MAD1L1: variants seen among roughly 807,000 people sequenced by gnomAD.
MAD1L1 encodes the protein mitotic spindle assembly checkpoint protein MAD1.
A neutral mutation model predicts 96.9 loss-of-function variants in MAD1L1; 95 were observed. The observed-to-expected ratio is 0.98, with a 90% CI of 0.83 to 1.16. MAD1L1 has a LOEUF of 1.16. Ranked by LOEUF, MAD1L1 falls within the 50% of genes most tolerant of loss-of-function variation. The pLI, the probability that MAD1L1 is intolerant of heterozygous loss-of-function variation, is 0.00. For missense variants in MAD1L1, 1,007 were observed against 954.4 expected, an observed-to-expected ratio of 1.06 and a Z score of -0.73; for synonymous variants, 473 against 396.6, an observed-to-expected ratio of 1.19 and a Z score of -2.29.
intron 10 of MAD1L1, among the ~76,000 whole-genome samples, chr7:2,168,234 G>A (rs564021991): frequency 4.6e-5 from 7 of 151,912 alleles, no homozygotes; most frequent in African/African-American, 1.2e-4. Flanking sequence ...GCAGTGAGCC[G>A]AGATCGTGCC....
At position 2,119,796 on chromosome 7, in the gene MAD1L1, G is replaced by A. The variant is rs879588107; in HGVS notation, c.1073+29356C>T. ...GCTCACACAGATGGCAGCCACACAC[G>A]TCCCACGACAACTGTTCCAGACCCC... is the stretch of plus-strand genomic sequence containing the variant. On this transcript the variant is annotated intron_variant, in intron 11 of 18. Transcript: ENST00000265854. The surrounding 1 kb of genome is among the most constrained non-coding windows in gnomAD (Gnocchi z 4.6). Among the ~76,000 whole-genome samples, 4 of 152,152 alleles carry A rather than the reference G, an allele frequency of 2.6e-5. No homozygotes were observed. In the East Asian group the frequency reaches 7.7e-4, roughly 29 times the overall value.
intron 18 of MAD1L1, among the ~76,000 whole-genome samples, chr7:1,821,394 T>G (rs1256544449): frequency 6.6e-6 from 1 of 152,118 alleles, no homozygotes; most frequent in Admixed American, 6.5e-5. Context: ...AATACCAATT[T>G]TACACAATCC....
chr7:1,824,865 G>C (rs1160677764), intron 18 of MAD1L1, among the ~76,000 whole-genome samples: 4 of 152,008 alleles, frequency 2.6e-5, no homozygotes, highest in Non-Finnish European at 5.9e-5. Context: ...TGCACACATG[G>C]GGCGAGCCGG....
intron 12 of MAD1L1, among the ~76,000 whole-genome samples, chr7:2,027,689 C>A (rs564976157): frequency 6.6e-6 from 1 of 152,246 alleles, no homozygotes; most frequent in Non-Finnish European, 1.5e-5. Flanking sequence ...AAAGCAAAAC[C>A]CTCTTGGCAA....
intron 18 of MAD1L1, among the ~76,000 whole-genome samples, chr7:1,827,993 G>A (rs922761880): frequency 1.3e-5 from 2 of 152,122 alleles, no homozygotes; most frequent in Non-Finnish European, 2.9e-5. Context: ...GATGCGGGGT[G>A]AGGAGGGCCG....
chr7:1,845,715 G>A (rs972449581), intron 18 of MAD1L1: 1 of 152,448 alleles, frequency 6.6e-6, no homozygotes, highest in African/African-American at 2.4e-5. Context: ...TTAGGAGATG[G>A]ACACGCTCCA....
At chr7:2,001,770 C>T (rs1437224493) in intron 14 of MAD1L1, among the ~76,000 whole-genome samples, 1 of 152,224 alleles carries the variant, frequency 6.6e-6, no homozygotes, top group Non-Finnish European at 1.5e-5. Flanking sequence ...GGCTCTCACA[C>T]CTGCTTTGCC....
intron 14 of MAD1L1, among the ~76,000 whole-genome samples, chr7:1,998,309 G>A (rs1427454783): frequency 2.0e-5 from 3 of 152,218 alleles, no homozygotes; most frequent in African/African-American, 7.2e-5. Context: ...AAGGGCCGAT[G>A]CCCGGGTCAA....
Position 2,220,767 on chromosome 7 carries a change from T to C in MAD1L1, c.472-1311A>G, listed in dbSNP as rs112942595. 1,151 of 1,128,194 alleles carry C rather than the reference T, an allele frequency of 1.0e-3. 2 individuals carry two copies. Among genetic ancestry groups the C allele is most frequent in the Middle Eastern group, 4.3e-3 (19 of 4,420 alleles). 69.9% of individuals were successfully genotyped at this position (1,128,194 alleles called of 1,614,324 possible). A position where few individuals can be genotyped will look rare whatever the true frequency, so the allele number is the denominator to read the frequency against. ...CCACATGCCCACAATATGTACGGTT[T>C]ACTTCACCACAACAGTGAAGCATCA... is the stretch of plus-strand genomic sequence containing the variant. On this transcript the variant is annotated intron_variant, in intron 5 of 18. Transcript: ENST00000265854.
At chr7:1,878,905 A>G (rs1413607928) in intron 18 of MAD1L1, among the ~76,000 whole-genome samples, 3 of 152,254 alleles carry the variant, frequency 2.0e-5, no homozygotes, top group Non-Finnish European at 4.4e-5. Context: ...AAAACTTTCT[A>G]GAACTAATAA....
intron 17 of MAD1L1, among the ~76,000 whole-genome samples, chr7:1,920,398 C>T (rs537306120): frequency 1.7e-4 from 26 of 152,324 alleles, no homozygotes; most frequent in South Asian, 1.7e-3. Flanking sequence ...CGGGGAGACT[C>T]GGCTGCCGTG....
intron 11 of MAD1L1, among the ~76,000 whole-genome samples, chr7:2,108,470 T>G (rs1427513205): frequency 6.6e-6 from 1 of 152,240 alleles, no homozygotes; most frequent in Non-Finnish European, 1.5e-5. Flanking sequence ...CAACACAGTG[T>G]TTTTCTCCCT....
chr7:2,216,615 G>A (rs1793296722), intron 7 of MAD1L1, among the ~76,000 whole-genome samples: 1 of 152,130 alleles, frequency 6.6e-6, no homozygotes, highest in Admixed American at 6.5e-5. Context: ...CGTGGACTCT[G>A]CGTGACACTG....
At chr7:1,903,316 G>A (rs1449122749) in intron 17 of MAD1L1, among the ~76,000 whole-genome samples, 3 of 148,616 alleles carry the variant, frequency 2.0e-5, no homozygotes, top group Non-Finnish European at 3.0e-5. Flanking sequence ...CAGCGAGGAC[G>A]CAGTGGCCTA....
intron 14 of MAD1L1, among the ~76,000 whole-genome samples, chr7:1,989,275 C>T (rs1036081482): frequency 2.0e-5 from 3 of 150,638 alleles, no homozygotes; most frequent in South Asian, 4.2e-4. Flanking sequence ...TGGAAAATGG[C>T]GGCACCACTG....
At chr7:1,937,452 T>C (rs1029238875) in intron 16 of MAD1L1, among the ~76,000 whole-genome samples, 1 of 152,162 alleles carries the variant, frequency 6.6e-6, no homozygotes, top group African/African-American at 2.4e-5. Context: ...GGCCGGGATG[T>C]GTGTGGCATC....
intron 14 of MAD1L1, among the ~76,000 whole-genome samples, chr7:1,983,142 GCGCGCGCGCGCGCACACA>G (rs58672087): frequency 3.1e-3 from 298 of 96,766 alleles, no homozygotes; most frequent in African/African-American, 0.012. Context: ...ACGCGCGCGC[GCGCGCGCGCGCGCACACA>G]CACACACACA....
intron 15 of MAD1L1, among the ~76,000 whole-genome samples, chr7:1,964,672 A>G (rs1249171193): frequency 6.6e-6 from 1 of 152,236 alleles, no homozygotes; most frequent in Non-Finnish European, 1.5e-5. Flanking sequence ...CTGCCAGCCT[A>G]GATCTTTCCT....
At chr7:1,923,852 C>G (rs1466200054) in intron 17 of MAD1L1, among the ~76,000 whole-genome samples, 1 of 152,212 alleles carries the variant, frequency 6.6e-6, no homozygotes, top group Non-Finnish European at 1.5e-5. Flanking sequence ...GGACTCTGAG[C>G]TAGACCACAC....
Sources: allele counts gnomAD v4.1 joint callset (sites outside exome capture counted in the v4.1 genomes callset), GRCh38; gene constraint gnomAD v4.1.1; non-coding constraint Gnocchi (gnomAD v3.1); transcripts MANE v1.5; gene names NCBI Gene and HGNC (gene_info 2026-07-23, HGNC 2026-07-21).